TRAF3IP1: variants seen among roughly 807,000 people sequenced by gnomAD.
TRAF3IP1 encodes the protein intraflagellar transport 54.
A neutral mutation model predicts 89.9 loss-of-function variants in TRAF3IP1; 53 were observed. That is an observed-to-expected ratio of 0.59 (90% CI 0.47 to 0.74). TRAF3IP1 has a LOEUF of 0.74. Ranked by LOEUF, TRAF3IP1 falls within the 30% of genes least tolerant of loss-of-function variation. The pLI, the probability that TRAF3IP1 is intolerant of heterozygous loss-of-function variation, is 0.00. For synonymous variants in TRAF3IP1, 311 were observed against 322.1 expected, an observed-to-expected ratio of 0.97 and a Z score of 0.37; for missense variants, 806 against 866.1, an observed-to-expected ratio of 0.93 and a Z score of 0.87.
At chr2:238,340,991 G>A (rs1156732876) in intron 8 of TRAF3IP1, among the ~76,000 whole-genome samples, 3 of 152,000 alleles carry the variant, frequency 2.0e-5, no homozygotes, top group Non-Finnish European at 4.4e-5. Flanking sequence ...CTGAGTAGCT[G>A]GGACTACAGG....
At chr2:238,336,184 T>A (rs1032173449) in intron 7 of TRAF3IP1, among the ~76,000 whole-genome samples, 4 of 152,230 alleles carry the variant, frequency 2.6e-5, no homozygotes, top group African/African-American at 9.7e-5. Context: ...TTCTAATTGC[T>A]TCTGATATGT....
At chr2:238,340,770 C>A (rs546884836) in intron 8 of TRAF3IP1, among the ~76,000 whole-genome samples, 62 of 147,496 alleles carry the variant, frequency 4.2e-4, no homozygotes, top group African/African-American at 1.5e-3. Flanking sequence ...CACCCAGATT[C>A]ACTAGTTTTA....
chr2:238,341,544 T>A lies in TRAF3IP1; in HGVS notation c.1160-2953T>A, dbSNP rs1388907246. Among the ~76,000 whole-genome samples, 97 of 146,352 alleles carry A rather than the reference T, an allele frequency of 6.6e-4. 2 individuals are homozygous for A. Among genetic ancestry groups the A allele is most frequent in the African/African-American group, 2.4e-3 (89 of 37,446 alleles). On this transcript the variant is annotated intron_variant, in intron 8 of 16. Coordinates refer to ENST00000373327, the MANE Select transcript of TRAF3IP1 (RefSeq NM_015650.4). The stretch of plus-strand genomic sequence containing the variant: ...ATGTTTTTCTATTCTTTTTTTTTTT[T>A]TTAAAAAAAAAACACTGGCTATTTG...
chr2:238,353,450 C>T (rs1699264931), intron 14 of TRAF3IP1, among the ~76,000 whole-genome samples: 1 of 152,208 alleles, frequency 6.6e-6, no homozygotes, highest in African/African-American at 2.4e-5. Flanking sequence ...GCTGGAAACT[C>T]ACTGGCAACT....
In TRAF3IP1 at chr2:238,328,749, G is replaced by C. The variant is rs746117468; in HGVS notation, c.418G>C (p.Ala140Pro). The C allele has an allele frequency of 6.2e-7, 1 of 1,614,042 alleles. No individual in the cohort carries two copies. The highest frequency in any genetic ancestry group is 1.1e-5 in the South Asian group (1 of 91,078). The change falls in exon 4 of 17, where the codon GCC becomes CCC. Residue 140 changes from alanine to proline, a missense_variant. Ala to Pro is a conservative substitution (Grantham distance 27). This residue lies in a region of TRAF3IP1 where 732 missense variants were observed against 780.5 expected (regional missense o/e 0.94). Transcript: ENST00000373327. ...AGAGAAGGGAGAAGTGAAAGGCCGG[G>C]CCTCACTGACCTCAAGATCTCAGGA... ...AGEKGEVKGRASLTSRSQELD... is the reference protein window; with the variant it reads ...AGEKGEVKGRPSLTSRSQELD...
intron 5 of TRAF3IP1, among the ~76,000 whole-genome samples, chr2:238,331,075 G>A (rs1698097703): frequency 6.6e-6 from 1 of 152,124 alleles, no homozygotes. Context: ...AGCTCACAAA[G>A]CCTTCGGATT....
intron 15 of TRAF3IP1, among the ~76,000 whole-genome samples, chr2:238,394,719 G>A (rs2106382148): frequency 6.6e-6 from 1 of 152,192 alleles, no homozygotes; most frequent in Non-Finnish European, 1.5e-5. Context: ...CACTTTCTAT[G>A]TGCCAGGCAT....
At chr2:238,346,618 G>A (rs916326833) in intron 9 of TRAF3IP1, among the ~76,000 whole-genome samples, 3 of 152,148 alleles carry the variant, frequency 2.0e-5, no homozygotes, top group South Asian at 2.1e-4. Context: ...CACTCTGCTC[G>A]GTGTGGACCC....
At chr2:238,387,238 T>C (rs1330845336) in intron 15 of TRAF3IP1, among the ~76,000 whole-genome samples, 1 of 152,230 alleles carries the variant, frequency 6.6e-6, no homozygotes, top group Non-Finnish European at 1.5e-5. Flanking sequence ...CATACATCCA[T>C]GCTAAAGGCT....
chr2:238,331,708 G>A (rs146620288), intron 5 of TRAF3IP1, among the ~76,000 whole-genome samples: 104 of 152,300 alleles, frequency 6.8e-4, no homozygotes, highest in South Asian at 3.7e-3. Context: ...ATTGAGCCGC[G>A]TAGGTCTGGG....
chr2:238,322,426 C>T (rs1475401408), intron 1 of TRAF3IP1, among the ~76,000 whole-genome samples: 3 of 152,166 alleles, frequency 2.0e-5, no homozygotes, highest in African/African-American at 4.8e-5. Flanking sequence ...CTGTGGCTCA[C>T]GCCTGTAATC....
intron 15 of TRAF3IP1, among the ~76,000 whole-genome samples, chr2:238,372,953 T>A (rs1700169270): frequency 6.6e-6 from 1 of 152,216 alleles, no homozygotes; most frequent in African/African-American, 2.4e-5. Flanking sequence ...TCTGTTCATA[T>A]CCTTTGCCCA....
intron 8 of TRAF3IP1, among the ~76,000 whole-genome samples, chr2:238,340,850 GAGAGAGAGAC>G (rs1340588144): frequency 6.7e-4 from 21 of 31,270 alleles, no homozygotes; most frequent in African/African-American, 1.3e-3. Context: ...TATATATAGA[GAGAGAGAGAC>G]AGAGAGACAG....
intron 15 of TRAF3IP1, among the ~76,000 whole-genome samples, chr2:238,360,580 C>T (rs562848900): frequency 1.3e-4 from 20 of 152,170 alleles, no homozygotes; most frequent in South Asian, 2.1e-4. Flanking sequence ...GCACTAGGTA[C>T]GGTCAAACTT....
intron 15 of TRAF3IP1, among the ~76,000 whole-genome samples, chr2:238,394,601 T>C (rs1156692778): frequency 1.3e-5 from 2 of 152,240 alleles, no homozygotes; most frequent in East Asian, 1.9e-4. Context: ...TGCTCATACA[T>C]AGAAATATAG....
At chr2:238,324,935 G>A (rs185776037) in intron 1 of TRAF3IP1, among the ~76,000 whole-genome samples, 1 of 152,088 alleles carries the variant, frequency 6.6e-6, no homozygotes, top group African/African-American at 2.4e-5. Flanking sequence ...ATGTGCATCC[G>A]AAATGTCCCC....
intron 7 of TRAF3IP1, among the ~76,000 whole-genome samples, chr2:238,335,203 C>CT (rs913771105): frequency 2.0e-5 from 3 of 151,912 alleles, no homozygotes; most frequent in African/African-American, 4.8e-5. Context: ...GGCCTCTAAT[C>CT]TTTTTTTTGG....
intron 8 of TRAF3IP1, among the ~76,000 whole-genome samples, chr2:238,340,455 T>C (rs994235272): frequency 7.2e-5 from 11 of 152,112 alleles, no homozygotes; most frequent in African/African-American, 2.7e-4. Context: ...ATCAGAGAAT[T>C]TGTGGGTTTT....
chr2:238,320,613 G>C lies in TRAF3IP1; in HGVS notation c.-50G>C. The C allele has an allele frequency of 1.6e-6, 2 of 1,219,070 alleles. No individual in the cohort carries two copies. The highest frequency in any genetic ancestry group is 2.1e-6 in the Non-Finnish European group (2 of 964,486). The allele number at this position is 1,219,070 out of a possible 1,614,324, so 75.5% of individuals were successfully genotyped here. A position where few individuals can be genotyped will look rare whatever the true frequency, so the allele number is the denominator to read the frequency against. ...CGGCCAGGGACCCGGGCTTAGGCTC[G>C]GCCAGGCCGGCTGAGGGGCGCGGGC... On this transcript the variant is annotated 5_prime_UTR_variant, in exon 1 of 17. Transcript: ENST00000373327.
Sources: allele counts gnomAD v4.1 joint callset (sites outside exome capture counted in the v4.1 genomes callset), GRCh38; gene constraint gnomAD v4.1.1; regional missense constraint gnomAD v4.1.1; transcripts MANE v1.5; gene names NCBI Gene and HGNC (gene_info 2026-07-23, HGNC 2026-07-21).